Variants in PHACTR1 observed in about 807,000 individuals in gnomAD.
The protein encoded by PHACTR1 is RPEL repeat containing 1.
PHACTR1 carries 16 observed loss-of-function variants against 69.2 expected under a neutral mutation model. That is an observed-to-expected ratio of 0.23 (90% CI 0.16 to 0.35). The LOEUF (loss-of-function observed/expected upper bound fraction) is 0.35. PHACTR1 is among the 10% of genes least tolerant of loss of function. The pLI is 1.00. For missense variants in PHACTR1, 510 were observed against 734.7 expected (o/e 0.69, Z 3.54); for synonymous variants, 312 against 284.5 (o/e 1.10, Z -0.97).
intron 4 of PHACTR1, among the ~76,000 whole-genome samples, chr6:13,040,608 T>C (rs1803987071): frequency 6.6e-6 from 1 of 152,140 alleles, no homozygotes; most frequent in South Asian, 2.1e-4. Flanking sequence ...CTCTTTCACT[T>C]ACCCTCCAGC....
At chr6:12,727,608 A>G (rs1762959414) in intron 3 of PHACTR1, among the ~76,000 whole-genome samples, 1 of 152,192 alleles carries the variant, frequency 6.6e-6, no homozygotes, top group African/African-American at 2.4e-5. Flanking sequence ...CTGCTCTCAC[A>G]TACCACACAT....
chr6:13,283,406 C>A lies in PHACTR1; in HGVS notation c.1510-16C>A. On this transcript the variant is annotated splice_polypyrimidine_tract_variant and intron_variant, in intron 12 of 14. Transcript: ENST00000332995. This position sits in a 1 kb window ranked among gnomAD's most constrained non-coding sequence, Gnocchi z 4.7. ...CCCTTCTGGCTGACTGGGTCCATCT[C>A]TCTCCCTCCCTGCAGCTCAGTCAAA... is the stretch of plus-strand genomic sequence containing the variant. The A allele has an allele frequency of 1.2e-6, 2 of 1,612,788 alleles. No individual in the cohort carries two copies. Among genetic ancestry groups the A allele is most frequent in the Non-Finnish European group, 1.7e-6 (2 of 1,179,562 alleles).
rs377684047 is a variant in PHACTR1 at position 13,230,208 on chromosome 6, C to T, written c.1391+15C>T. 139 of 1,599,426 alleles carry T rather than the reference C, an allele frequency of 8.7e-5. No homozygotes were observed. In the African/African-American group the frequency reaches 1.7e-3, roughly 20 times the overall value. ...AAGCTCACCAGGTAGGACAGCGGCACCCTCTGCCTCCCTGGCAGTGGGCCT... is the reference window on the plus strand; with the variant it reads ...AAGCTCACCAGGTAGGACAGCGGCATCCTCTGCCTCCCTGGCAGTGGGCCT... On this transcript the variant is annotated intron_variant, in intron 10 of 14. Coordinates refer to ENST00000332995, the MANE Select transcript of PHACTR1 (RefSeq NM_030948.6).
intron 4 of PHACTR1, among the ~76,000 whole-genome samples, chr6:12,800,162 G>A (rs2127675465): frequency 6.6e-6 from 1 of 152,246 alleles, no homozygotes; most frequent in East Asian, 1.9e-4. Context: ...AGAAGCAATG[G>A]CAAAGAAAAA....
intron 3 of PHACTR1, among the ~76,000 whole-genome samples, chr6:12,744,657 A>G (rs542000270): frequency 6.6e-6 from 1 of 152,184 alleles, no homozygotes; most frequent in Non-Finnish European, 1.5e-5. Flanking sequence ...TCCATAGAGT[A>G]AAGTTAAAGC....
chr6:13,187,002 T>C (rs1433274364), intron 7 of PHACTR1, among the ~76,000 whole-genome samples: 1 of 152,176 alleles, frequency 6.6e-6, no homozygotes, highest in African/African-American at 2.4e-5. Flanking sequence ...ATAAGGAACA[T>C]GCAGCCTGGA....
chr6:12,737,476 CGTGT>C (rs938478851), intron 3 of PHACTR1, among the ~76,000 whole-genome samples: 8 of 151,276 alleles, frequency 5.3e-5, no homozygotes, highest in Admixed American at 2.0e-4. Flanking sequence ...TGTATGATTG[CGTGT>C]GTGTATTTTT....
intron 8 of PHACTR1, among the ~76,000 whole-genome samples, chr6:13,212,291 A>G (rs1766969982): frequency 6.6e-6 from 1 of 152,208 alleles, no homozygotes; most frequent in Non-Finnish European, 1.5e-5. Flanking sequence ...TCTGTGCCCA[A>G]AATGCTTCTG....
chr6:12,973,713 C>A (rs1794504863), intron 4 of PHACTR1, among the ~76,000 whole-genome samples: 1 of 152,040 alleles, frequency 6.6e-6, no homozygotes, highest in South Asian at 2.1e-4. Flanking sequence ...GTCAAGGCAC[C>A]AACAGAAGAG....
At chr6:12,947,275 T>C (rs781467656) in intron 4 of PHACTR1, among the ~76,000 whole-genome samples, 41 of 152,234 alleles carry the variant, frequency 2.7e-4, no homozygotes, top group Non-Finnish European at 4.6e-4. Flanking sequence ...TGAGACAGGA[T>C]GGTCTGCATA....
chr6:12,736,438 A>G (rs1036588268), intron 3 of PHACTR1, among the ~76,000 whole-genome samples: 2 of 152,186 alleles, frequency 1.3e-5, no homozygotes, highest in African/African-American at 4.8e-5. Flanking sequence ...TGACTATAAT[A>G]TACCAGAATC....
intron 4 of PHACTR1, among the ~76,000 whole-genome samples, chr6:12,973,015 A>G (rs1794423344): frequency 6.6e-6 from 1 of 152,100 alleles, no homozygotes; most frequent in Admixed American, 6.5e-5. Flanking sequence ...GGCCTCTTGC[A>G]TTCCTTTTAT....
chr6:12,845,482 A>G (rs1374468913), intron 4 of PHACTR1, among the ~76,000 whole-genome samples: 3 of 106,610 alleles, frequency 2.8e-5, no homozygotes, highest in East Asian at 5.5e-4. Flanking sequence ...GCTTTGCAGC[A>G]TCAGATGGCA....
chr6:13,257,658 G>A (rs370220963), intron 10 of PHACTR1, among the ~76,000 whole-genome samples: 1 of 152,198 alleles, frequency 6.6e-6, no homozygotes, highest in East Asian at 1.9e-4. Flanking sequence ...GACACTTTGC[G>A]CATGCTATTT....
chr6:12,934,032 G>A (rs1057236463), intron 4 of PHACTR1: 71 of 1,443,768 alleles, frequency 4.9e-5, no homozygotes, highest in Non-Finnish European at 6.3e-5. Context: ...TGGTTCTGGA[G>A]TCTTGAAGTC....
At chr6:12,917,333 G>A (rs922481539) in intron 4 of PHACTR1, among the ~76,000 whole-genome samples, 1 of 152,212 alleles carries the variant, frequency 6.6e-6, no homozygotes, top group Non-Finnish European at 1.5e-5. Flanking sequence ...GGCCTTGCTT[G>A]GGATGGGGTG....
intron 4 of PHACTR1, among the ~76,000 whole-genome samples, chr6:12,794,372 AT>A (rs1772715917): frequency 6.6e-6 from 1 of 152,358 alleles, no homozygotes; most frequent in East Asian, 1.9e-4. Context: ...AAGTACTTGG[AT>A]GGGGAAGAAA....
At chr6:13,278,436 C>G in intron 12 of PHACTR1, 107 bp downstream of exon 12, 1 of 978,508 alleles carries the variant, frequency 1.0e-6, no homozygotes, top group Non-Finnish European at 1.6e-6. Context: ...GGTTCCTCTC[C>G]TCCTGTGTCA....
At chr6:12,734,118 A>T (rs1405461683) in intron 3 of PHACTR1, among the ~76,000 whole-genome samples, 1 of 152,060 alleles carries the variant, frequency 6.6e-6, no homozygotes, top group Non-Finnish European at 1.5e-5. Context: ...AGCAACGAAC[A>T]TTTGTTTCCC....
Sources: allele counts gnomAD v4.1 joint callset (sites outside exome capture counted in the v4.1 genomes callset), GRCh38; gene constraint gnomAD v4.1.1; non-coding constraint Gnocchi (gnomAD v3.1); transcripts MANE v1.5; gene names NCBI Gene and HGNC (gene_info 2026-07-23, HGNC 2026-07-21).